The following CATSPERD variants were observed in gnomAD, a reference collection of about 807,000 sequenced individuals.
CATSPERD encodes catsper channel auxiliary subunit delta.
In CATSPERD, 86 loss-of-function variants were observed where a neutral mutation model predicts 98.1. The ratio of observed to expected loss-of-function variants is 0.88; its 90% CI spans 0.74 to 1.05. The LOEUF (loss-of-function observed/expected upper bound fraction) is 1.05, where lower values mean the gene tolerates loss of function less well. CATSPERD is among the 50% of genes least tolerant of loss of function. The probability of loss-of-function intolerance (pLI) is 0.00; values close to 1 mark genes in which losing one functional copy is unlikely to be tolerated. For synonymous variants in CATSPERD, 394 were observed against 390.2 expected, an observed-to-expected ratio of 1.01 and a Z score of -0.12; for missense variants, 995 against 1,005.7, an observed-to-expected ratio of 0.99 and a Z score of 0.14.
chr19:5,721,261 C>T (rs956672279), intron 1 of CATSPERD, among the ~76,000 whole-genome samples: 2 of 152,124 alleles, frequency 1.3e-5, no homozygotes, highest in African/African-American at 4.8e-5. Context: ...CTCGGCCTCC[C>T]AAAGTGCTGG....
chr19:5,771,695 C>A (rs1048857157), intron 19 of CATSPERD, among the ~76,000 whole-genome samples: 1 of 151,774 alleles, frequency 6.6e-6, no homozygotes, highest in Non-Finnish European at 1.5e-5. Flanking sequence ...CTCAGCCTCC[C>A]GAGTATCTGG....
intron 11 of CATSPERD, among the ~76,000 whole-genome samples, chr19:5,750,475 G>A (rs866381632): frequency 0.01 from 1,090 of 104,974 alleles, 12 homozygotes; most frequent in African/African-American, 0.032. Context: ...AAAAAAAAAG[G>A]AATTATTTTG....
At chr19:5,759,818 G>A (rs1419082952) in intron 15 of CATSPERD, among the ~76,000 whole-genome samples, 1 of 151,938 alleles carries the variant, frequency 6.6e-6, no homozygotes, top group African/African-American at 2.4e-5. Flanking sequence ...GCTCACACCT[G>A]TAATCCCAGC....
intron 10 of CATSPERD, among the ~76,000 whole-genome samples, chr19:5,748,891 G>A (rs919558163): frequency 4.0e-5 from 6 of 151,220 alleles, no homozygotes; most frequent in Admixed American, 6.6e-5. Context: ...ACCATGCCCG[G>A]CTCATTTTTG....
chr19:5,748,302 T>G, intron 10 of CATSPERD, 47 bp downstream of exon 10: 1 of 1,556,266 alleles, frequency 6.4e-7, no homozygotes, highest in Non-Finnish European at 8.9e-7. Context: ...AGACCTGGCT[T>G]ATTAACCGTA....
intron 18 of CATSPERD, 50 bp downstream of exon 18, chr19:5,768,292 C>A (rs759389830): frequency 2.1e-6 from 3 of 1,413,002 alleles, no homozygotes; most frequent in South Asian, 2.6e-5. Context: ...GACCATTGGG[C>A]CTGCAAAAGC....
chr19:5,729,758 C>T (rs2055677734), intron 3 of CATSPERD, 114 bp from the exon 4 acceptor site: 1 of 621,654 alleles, frequency 1.6e-6, no homozygotes, highest in East Asian at 2.8e-5. Flanking sequence ...CTAAATGACT[C>T]CTGGTTACAA....
chr19:5,743,980 T>G (rs898065965), intron 7 of CATSPERD, among the ~76,000 whole-genome samples: 13 of 151,684 alleles, frequency 8.6e-5, no homozygotes, highest in Non-Finnish European at 1.5e-4. Context: ...GTGTCACATT[T>G]CTTTTCTTTT....
chr19:5,723,207 GAAAA>G (rs1297656300), intron 1 of CATSPERD, among the ~76,000 whole-genome samples: 1 of 148,818 alleles, frequency 6.7e-6, no homozygotes, highest in African/African-American at 2.5e-5. Flanking sequence ...AAAAGAAAAA[GAAAA>G]AGAAAAAAGA....
At chr19:5,765,660 A>C (rs2056524722) in intron 16 of CATSPERD, among the ~76,000 whole-genome samples, 1 of 151,678 alleles carries the variant, frequency 6.6e-6, no homozygotes. Context: ...AAAAATACAA[A>C]AATTAGCCGG....
intron 16 of CATSPERD, among the ~76,000 whole-genome samples, chr19:5,763,522 T>C (rs1030591599): frequency 6.6e-6 from 1 of 152,056 alleles, no homozygotes; most frequent in Non-Finnish European, 1.5e-5. Flanking sequence ...CTCGAGGAGA[T>C]CCCACACAGT....
chr19:5,746,436 CTTTT>C (rs11392230), intron 9 of CATSPERD, among the ~76,000 whole-genome samples: 1 of 149,970 alleles, frequency 6.7e-6, no homozygotes, highest in Non-Finnish European at 1.5e-5. Context: ...ATTTCTTTCT[CTTTT>C]TTTTTTGAGA....
chr19:5,759,783 A>C (rs1322272048), intron 15 of CATSPERD, among the ~76,000 whole-genome samples: 2 of 150,816 alleles, frequency 1.3e-5, no homozygotes, highest in Non-Finnish European at 3.0e-5. Flanking sequence ...TTAAGAAGGA[A>C]GGGAGTCCCG....
intron 9 of CATSPERD, among the ~76,000 whole-genome samples, chr19:5,747,039 C>T (rs890268742): frequency 5.9e-5 from 9 of 151,696 alleles, no homozygotes; most frequent in African/African-American, 2.2e-4. Flanking sequence ...GAGACTGGGT[C>T]CTCCTGTGTT....
At chr19:5,726,812 G>C (rs2055613157) in intron 2 of CATSPERD, among the ~76,000 whole-genome samples, 1 of 152,172 alleles carries the variant, frequency 6.6e-6, no homozygotes, top group Non-Finnish European at 1.5e-5. Flanking sequence ...CATGATCATA[G>C]TACGAGGTCA....
At chr19:5,747,043 C>T (rs2056108120) in intron 9 of CATSPERD, among the ~76,000 whole-genome samples, 1 of 151,946 alleles carries the variant, frequency 6.6e-6, no homozygotes, top group Middle Eastern at 3.2e-3. Flanking sequence ...CTGGGTCCTC[C>T]TGTGTTGCCC....
At chr19:5,742,413 G>GT (rs2056007163) in intron 7 of CATSPERD, among the ~76,000 whole-genome samples, 1 of 152,130 alleles carries the variant, frequency 6.6e-6, no homozygotes, top group African/African-American at 2.4e-5. Flanking sequence ...CAAGAGGAGA[G>GT]GTTACCGCAG....
chr19:5,739,980 C>T (rs1345772064), intron 7 of CATSPERD, among the ~76,000 whole-genome samples: 10 of 152,024 alleles, frequency 6.6e-5, no homozygotes, highest in Non-Finnish European at 1.5e-5. Flanking sequence ...TTAAGTAGTA[C>T]TTATAAAAAG....
rs886198325 is a variant in CATSPERD at position 5,747,820 on chromosome 19, C to T, written c.809-340C>T. 2.0e-4 allele frequency among the ~76,000 whole-genome samples: 30 copies of T among 152,106 alleles called. 1 individual carries two copies. Among genetic ancestry groups the T allele is most frequent in the Admixed American group, 1.8e-3 (27 of 15,244 alleles). On this transcript the variant is annotated intron_variant, in intron 9 of 21. Transcript: ENST00000381624. ...AGAGACAAGGTTTTGCCATGTTGGCCAGCCTGATCTCGAACTCCTGACTTC... is the reference window on the plus strand; with the variant it reads ...AGAGACAAGGTTTTGCCATGTTGGCTAGCCTGATCTCGAACTCCTGACTTC...
Sources: allele counts gnomAD v4.1 joint callset (sites outside exome capture counted in the v4.1 genomes callset), GRCh38; gene constraint gnomAD v4.1.1; transcripts MANE v1.5; gene names NCBI Gene and HGNC (gene_info 2026-07-23, HGNC 2026-07-21).